The following MTFR2 variants were observed in gnomAD, a reference collection of about 807,000 sequenced individuals.
MTFR2 encodes the protein DUF729 domain-containing protein 1.
A neutral mutation model predicts 41.2 loss-of-function variants in MTFR2; 44 were observed. That is an observed-to-expected ratio of 1.07 (90% CI 0.84 to 1.37). The LOEUF (loss-of-function observed/expected upper bound fraction) is 1.37, where lower values mean the gene tolerates loss of function less well. Among genes scored for constraint, MTFR2 ranks in the 40% most tolerant of loss-of-function variants. MTFR2 has a pLI of 0.00. For missense variants in MTFR2, 452 were observed against 459.5 expected (o/e 0.98, Z 0.15); for synonymous variants, 141 against 154.6 (o/e 0.91, Z 0.65).
intron 1 of MTFR2, 137 bp from the exon 2 acceptor site, chr6:136,249,290 A>AAGAAAGGAAGTTTCTGGCC: frequency 2.0e-6 from 1 of 511,822 alleles, no homozygotes; most frequent in Non-Finnish European, 3.4e-6. Context: ...GTCAGAGAAA[A>AAGAAAGGAAGTTTCTGGCC]AGAAAGGAAG....
intron 5 of MTFR2, 51 bp downstream of exon 5, chr6:136,241,393 G>T: frequency 7.0e-7 from 1 of 1,427,146 alleles, no homozygotes; most frequent in Non-Finnish European, 9.7e-7. Flanking sequence ...GTTGGTATAG[G>T]CTATACCATG....
Position 136,231,330 on chromosome 6 carries a change from G to C in MTFR2, c.1103C>G (p.Thr368Arg), listed in dbSNP as rs760723145. 6.2e-7 allele frequency: 1 copy of C among 1,612,786 alleles called. No homozygotes were observed. The highest frequency in any genetic ancestry group is 8.5e-7 in the Non-Finnish European group (1 of 1,179,594). The change falls in exon 8 of 8, where the codon ACA becomes AGA. Residue 368 changes from threonine (T) to arginine (R), a missense_variant. Transcript: ENST00000420702. ...GCTGATACCTTGGTCAACAGCTTTT[G>C]TGTTGACCATTTCTTCTTTAGTTCG... ...GQRTKEEMVNTKAVDQGISNT... is the reference protein window; with the variant it reads ...GQRTKEEMVNRKAVDQGISNT...
chr6:136,235,712 T>C (rs1300391965), intron 6 of MTFR2, among the ~76,000 whole-genome samples: 1 of 152,054 alleles, frequency 6.6e-6, no homozygotes, highest in Non-Finnish European at 1.5e-5. Context: ...GGTGGTCGGA[T>C]CATGCGGTCA....
At chr6:136,240,971 G>T (rs1349816926) in intron 5 of MTFR2, among the ~76,000 whole-genome samples, 1 of 151,936 alleles carries the variant, frequency 6.6e-6, no homozygotes, top group Admixed American at 6.6e-5. Context: ...GGCGCCTGTA[G>T]TCCCAGCTAC....
Position 136,236,311 on chromosome 6 carries a change from C to G in MTFR2, c.870-2812G>C, listed in dbSNP as rs143137420. On this transcript the variant is annotated intron_variant, in intron 6 of 7. Transcript: ENST00000420702. ...AGGAAAGAGAAGGGAAACCAGTAAC[C>G]AAAGGAAGAGCCTGGCCATGAATGA... 1.7e-3 allele frequency among the ~76,000 whole-genome samples: 265 copies of G among 152,126 alleles called. 2 individuals are homozygous for G. The highest frequency in any genetic ancestry group is 6.2e-3 in the African/African-American group (258 of 41,532).
chr6:136,248,406 C>T (rs779817344), intron 2 of MTFR2, among the ~76,000 whole-genome samples: 2 of 152,204 alleles, frequency 1.3e-5, no homozygotes, highest in Non-Finnish European at 2.9e-5. Context: ...TTCTCCCATA[C>T]TATGCTCGTG....
chr6:136,242,829 G>T, intron 4 of MTFR2, 32 bp downstream of exon 4: 2 of 1,523,034 alleles, frequency 1.3e-6, no homozygotes, highest in Non-Finnish European at 1.8e-6. Context: ...TCAGTTTATA[G>T]CCCACTTCCC....
In MTFR2 at chr6:136,239,473, T is replaced by A. The variant is rs374982682; in HGVS notation, c.862A>T (p.Ile288Phe). 19 of 1,594,150 alleles carry A rather than the reference T, an allele frequency of 1.2e-5. No homozygotes were observed. In the African/African-American group the frequency reaches 2.0e-4, roughly 17 times the overall value. The change falls in exon 6 of 8, where the codon ATT becomes TTT. Residue 288 changes from isoleucine (I) to phenylalanine (F), a missense_variant. By Grantham distance (21) the Ile-to-Phe change is conservative. Coordinates refer to ENST00000420702, the MANE Select transcript of MTFR2 (RefSeq NM_001099286.3). ...KDMNKVKLRAIERSPGGRPIH... is the reference protein window; with the variant it reads ...KDMNKVKLRAFERSPGGRPIH... The stretch of plus-strand genomic sequence containing the variant: ...CAAATTACAACAACATACCGCTCAA[T>A]TGCACGAAGCTTAACCTTATTCATA...
chr6:136,240,541 T>C lies in MTFR2; in HGVS notation c.515-721A>G, dbSNP rs371070971. Among the ~76,000 whole-genome samples, 22 of 152,288 alleles carry C rather than the reference T, an allele frequency of 1.4e-4. No homozygotes were observed. In the East Asian group the frequency reaches 2.9e-3, roughly 20 times the overall value. The stretch of plus-strand genomic sequence containing the variant: ...ACAGCCAAATCTGTTGTGAAAAGCA[T>C]TCAGTACCTAGATTGCTTTACATTT... On this transcript the variant is annotated intron_variant, in intron 5 of 7. Transcript: ENST00000420702.
chr6:136,241,008 G>A (rs553888113), intron 5 of MTFR2, among the ~76,000 whole-genome samples: 17 of 151,682 alleles, frequency 1.1e-4, no homozygotes, highest in South Asian at 4.2e-4. Flanking sequence ...GGAGAATGGC[G>A]TGAACCCGGG....
intron 7 of MTFR2, 33 bp from the exon 8 acceptor site, chr6:136,231,421 A>T: frequency 1.5e-6 from 2 of 1,332,724 alleles, no homozygotes; most frequent in Non-Finnish European, 2.1e-6. Flanking sequence ...CACAGAAATT[A>T]TTCTAATGTC....
chr6:136,244,633 T>C (rs928096180), intron 3 of MTFR2, 132 bp downstream of exon 3: 8 of 642,698 alleles, frequency 1.2e-5, no homozygotes, highest in African/African-American at 9.6e-5. Flanking sequence ...AAATGGCTTG[T>C]TCCCAAGGGT....
At position 136,241,623 on chromosome 6, in the gene MTFR2, C is replaced by A. The variant is rs150447506; in HGVS notation, c.335G>T (p.Arg112Leu). The A allele has an allele frequency of 8.7e-6, 14 of 1,613,598 alleles. No homozygotes were observed. Among genetic ancestry groups the A allele is most frequent in the Non-Finnish European group, 1.2e-5 (14 of 1,179,914 alleles). ...AGGTGACAGTGGATCCCGAACTAGT[C>A]GCAAAGGATGAAAAATTTCCACTTT... Reference protein sequence around the residue: ...EEKVEIFHPLRLVRDPLSPAV... With the variant: ...EEKVEIFHPLLLVRDPLSPAV... Residue 112 changes from arginine (R) to leucine (L), a missense_variant, in exon 5 of 8, where the codon CGA becomes CTA. Physicochemically the swap from Arg to Leu is moderately radical, Grantham distance 102 (BLOSUM62 -2). Transcript: ENST00000420702.
chr6:136,238,669 G>C (rs570079514), intron 6 of MTFR2, among the ~76,000 whole-genome samples: 65 of 145,506 alleles, frequency 4.5e-4, no homozygotes, highest in African/African-American at 1.7e-3. Context: ...AGCTCATTAT[G>C]TTTTTTCACC....
rs1780053659 is a variant in MTFR2 at position 136,241,012 on chromosome 6, A to AC, written c.514+431dup. Among the ~76,000 whole-genome samples the AC allele has an allele frequency of 4.1e-5, 6 of 147,576 alleles. No homozygotes were observed. The South Asian group carries it at 1.3e-3, about 31-fold the overall frequency. ...AGGCTGAGGCAGGAGAATGGCGTGA[A>AC]CCCGGGAGGTGGAGCTTGCAGTGAG... On this transcript the variant is annotated intron_variant, in intron 5 of 7. Transcript: ENST00000420702.
chr6:136,246,266 T>C (rs1370604818), intron 2 of MTFR2, among the ~76,000 whole-genome samples: 1 of 151,914 alleles, frequency 6.6e-6, no homozygotes, highest in Non-Finnish European at 1.5e-5. Context: ...ACCATTTTCG[T>C]TGTTGTTGTT....
chr6:136,236,642 A>G (rs891170651), intron 6 of MTFR2, among the ~76,000 whole-genome samples: 4 of 151,894 alleles, frequency 2.6e-5, no homozygotes, highest in African/African-American at 9.7e-5. Flanking sequence ...AAGCTGCCTC[A>G]TGCTCTTCCT....
At chr6:136,240,843 G>T (rs571859927) in intron 5 of MTFR2, among the ~76,000 whole-genome samples, 1 of 152,184 alleles carries the variant, frequency 6.6e-6, no homozygotes, top group Admixed American at 6.5e-5. Flanking sequence ...TGTAATCCCA[G>T]CACTTTGGGA....
At chr6:136,245,692 G>T (rs901415036) in intron 2 of MTFR2, among the ~76,000 whole-genome samples, 1 of 152,132 alleles carries the variant, frequency 6.6e-6, no homozygotes, top group Non-Finnish European at 1.5e-5. Context: ...GTGCACCTGC[G>T]TTTTGATTGT....
Sources: allele counts gnomAD v4.1 joint callset (sites outside exome capture counted in the v4.1 genomes callset), GRCh38; gene constraint gnomAD v4.1.1; transcripts MANE v1.5; gene names NCBI Gene and HGNC (gene_info 2026-07-23, HGNC 2026-07-21).